The following ERN1 variants were observed in gnomAD, a reference collection of about 807,000 sequenced individuals.
The protein encoded by ERN1 is serine/threonine-protein kinase/endoribonuclease IRE1.
ERN1 carries 39 observed loss-of-function variants against 113.1 expected under a neutral mutation model. That is an observed-to-expected ratio of 0.34 (90% confidence interval 0.27 to 0.45). ERN1 has a LOEUF of 0.45. Among genes scored for constraint, ERN1 ranks in the 20% least tolerant of loss-of-function variants. The probability of loss-of-function intolerance (pLI) is 1.00; values close to 1 mark genes in which losing one functional copy is unlikely to be tolerated. For synonymous variants in ERN1, 507 were observed against 515.9 expected (o/e 0.98, Z 0.23); for missense variants, 976 against 1,274.8 (o/e 0.77, Z 3.57).
chr17:64,122,945 G>A (rs1277393962), intron 1 of ERN1, among the ~76,000 whole-genome samples: 1 of 151,872 alleles, frequency 6.6e-6, no homozygotes. Context: ...ATTTTTTTTG[G>A]AAGAATAAAT....
chr17:64,102,902 A>C, intron 1 of ERN1: 1 of 892,326 alleles, frequency 1.1e-6, no homozygotes, highest in Non-Finnish European at 1.3e-6. Context: ...TGGGAGGTTA[A>C]AAAAAAAAAG....
chr17:64,109,969 G>A (rs1598085864), intron 1 of ERN1, among the ~76,000 whole-genome samples: 2 of 152,168 alleles, frequency 1.3e-5, no homozygotes, highest in African/African-American at 4.8e-5. Context: ...TCTTTTGGAT[G>A]AGACCAAAAT....
intron 1 of ERN1, among the ~76,000 whole-genome samples, chr17:64,101,339 G>C (rs1015382985): frequency 6.6e-6 from 1 of 152,162 alleles, no homozygotes; most frequent in African/African-American, 2.4e-5. Flanking sequence ...GAACCCAGGA[G>C]GTGGAGGTTG....
chr17:64,062,474 T>C (rs1203743310), intron 10 of ERN1, among the ~76,000 whole-genome samples: 1 of 152,266 alleles, frequency 6.6e-6, no homozygotes, highest in South Asian at 2.1e-4. Flanking sequence ...TTGGAGGTCC[T>C]CAGAAGAGGC....
chr17:64,111,047 G>A (rs1386634564), intron 1 of ERN1, among the ~76,000 whole-genome samples: 1 of 152,184 alleles, frequency 6.6e-6, no homozygotes, highest in Non-Finnish European at 1.5e-5. Flanking sequence ...CAAAGAGGAG[G>A]CCTTTCCAGA....
chr17:64,044,157 A>G lies in ERN1; in HGVS notation c.2765T>C (p.Leu922Pro). ...CACGAAGTCGTCGGGGAGGGACCCC[A>G]GCGTCTCCCGCACCTCTGCAGGCAG... ...RELPAEVRET[L>P]GSLPDDFVCY... Residue 922 changes from leucine to proline, a missense_variant, in exon 22 of 22, where the codon CTG (leucine) becomes CCG (proline). By Grantham distance (98) the Leu-to-Pro change is moderately conservative. Transcript: ENST00000433197. This position sits in a 1 kb window ranked among gnomAD's most constrained non-coding sequence, Gnocchi z 4.1. 2.5e-6 allele frequency: 4 copies of G among 1,595,960 alleles called. No individual in the cohort carries two copies. Among genetic ancestry groups the G allele is most frequent in the Non-Finnish European group, 3.4e-6 (4 of 1,168,634 alleles).
At chr17:64,064,883 G>A (rs1474914403) in intron 9 of ERN1, among the ~76,000 whole-genome samples, 3 of 152,172 alleles carry the variant, frequency 2.0e-5, no homozygotes, top group Non-Finnish European at 4.4e-5. Context: ...GTTGGGCCAC[G>A]CAACTCACAT....
chr17:64,045,059 G>C, intron 20 of ERN1, 132 bp from the exon 21 acceptor site: 2 of 736,458 alleles, frequency 2.7e-6, no homozygotes, highest in Non-Finnish European at 2.3e-6. Context: ...CTAGGCATGG[G>C]AGCAGATCCT....
chr17:64,113,454 C>T (rs1914723714), intron 1 of ERN1, among the ~76,000 whole-genome samples: 2 of 152,102 alleles, frequency 1.3e-5, no homozygotes, highest in African/African-American at 4.8e-5. Flanking sequence ...CCAGCTATGG[C>T]CAAATCTCCC....
intron 1 of ERN1, chr17:64,102,990 G>A (rs1914427609): frequency 1.0e-6 from 1 of 982,620 alleles, no homozygotes; most frequent in Middle Eastern, 5.2e-4. Flanking sequence ...GAAGGGTAGT[G>A]GCAGGCATCT....
chr17:64,068,334 A>G (rs746215707), intron 6 of ERN1, 43 bp from the exon 7 acceptor site: 31 of 1,356,954 alleles, frequency 2.3e-5, no homozygotes, highest in African/African-American at 1.1e-4. Context: ...CGGAGGGGCC[A>G]TAGTACCTAC....
At chr17:64,077,718 A>G (rs1913638786) in intron 4 of ERN1, among the ~76,000 whole-genome samples, 1 of 150,276 alleles carries the variant, frequency 6.7e-6, no homozygotes, top group Admixed American at 6.6e-5. Flanking sequence ...ATTTGGGCAC[A>G]TGTCCATTGG....
At chr17:64,126,385 T>TTCA (rs1227673870) in intron 1 of ERN1, among the ~76,000 whole-genome samples, 1 of 152,166 alleles carries the variant, frequency 6.6e-6, no homozygotes, top group Non-Finnish European at 1.5e-5. Flanking sequence ...CAAGGATTCT[T>TTCA]TCACCTGAAA....
rs138938681 is a variant in ERN1 at position 64,046,403 on chromosome 17, C to T, written c.2530-921G>A. Among the ~76,000 whole-genome samples, 826 of 152,232 alleles carry T rather than the reference C, an allele frequency of 5.4e-3. 9 individuals are homozygous for T. Among genetic ancestry groups the T allele is most frequent in the African/African-American group, 0.019 (771 of 41,540 alleles). On this transcript the variant is annotated intron_variant, in intron 19 of 21. Transcript: ENST00000433197. ...AGATACTAAGCATTTAAATCCTGTC[C>T]CTTGGTGGGTGAAGGTCCCTTTGTG...
intron 1 of ERN1, among the ~76,000 whole-genome samples, chr17:64,127,182 C>T (rs1350759161): frequency 2.0e-5 from 3 of 152,172 alleles, no homozygotes; most frequent in Non-Finnish European, 4.4e-5. Context: ...AGTCTCAACT[C>T]ATAATGAGTC....
Position 64,043,990 on chromosome 17 carries a change from A to T in ERN1, c.2932T>A (p.Ter978ArgextTer13). The part of the protein sequence containing the change: ...PQPPVTPDAL[*>R] ...CAGAACAGAGGGGCCGCCCTCGCTC[A>T]GAGGGCGTCTGGAGTCACTGGGGGC... Residue 978 changes from the stop codon to arginine (R), a stop_lost, in exon 22 of 22, where the codon TGA (stop) becomes AGA (arginine). Coordinates refer to ENST00000433197, the MANE Select transcript of ERN1 (RefSeq NM_001433.5). 1 of 1,602,350 alleles carries T rather than the reference A, an allele frequency of 6.2e-7. No homozygotes were observed. The highest frequency in any genetic ancestry group is 1.1e-5 in the South Asian group (1 of 90,670).
At chr17:64,105,288 TG>T (rs1914494293) in intron 1 of ERN1, among the ~76,000 whole-genome samples, 1 of 152,152 alleles carries the variant, frequency 6.6e-6, no homozygotes, top group South Asian at 2.1e-4. Flanking sequence ...TTAAATTTTT[TG>T]TAGAGTCGGG....
At chr17:64,058,994 A>G (rs766941795) in intron 11 of ERN1, among the ~76,000 whole-genome samples, 2 of 152,216 alleles carry the variant, frequency 1.3e-5, no homozygotes, top group Non-Finnish European at 2.9e-5. Context: ...AGTATTTTAA[A>G]ACATACTTTT....
At chr17:64,093,196 C>G (rs937066895) in intron 2 of ERN1, among the ~76,000 whole-genome samples, 1 of 151,816 alleles carries the variant, frequency 6.6e-6, no homozygotes, top group Non-Finnish European at 1.5e-5. Context: ...AAAAAGTAAA[C>G]AGCCGAATGG....
Sources: gnomAD v4.1 joint callset for allele counts (sites outside exome capture counted in the v4.1 genomes callset) on GRCh38, gnomAD v4.1.1 for gene constraint, Gnocchi (gnomAD v3.1) non-coding constraint, MANE v1.5 for transcripts, NCBI Gene and HGNC (gene_info 2026-07-23, HGNC 2026-07-21) for gene names.